The following DNM2 variants were observed in gnomAD, a reference collection of about 807,000 sequenced individuals.
DNM2 encodes dynamin-2.
Under a neutral mutation model 99.0 loss-of-function variants are expected in DNM2, and 15 were observed. The ratio of observed to expected loss-of-function variants is 0.15; its 90% CI spans 0.10 to 0.23. The LOEUF is 0.23. DNM2 is among the 10% of genes least tolerant of loss of function. DNM2 has a pLI of 1.00. For missense variants in DNM2, 742 were observed against 1,189.4 expected, an observed-to-expected ratio of 0.62 and a Z score of 5.53; for synonymous variants, 525 against 481.2, an observed-to-expected ratio of 1.09 and a Z score of -1.19.
chr19:10,769,809 G>A (rs768928163), intron 2 of DNM2, among the ~76,000 whole-genome samples: 2 of 152,184 alleles, frequency 1.3e-5, no homozygotes, highest in Non-Finnish European at 2.9e-5. Flanking sequence ...GCCCTGATCT[G>A]GGTGGCCAGT....
At chr19:10,745,491 G>C (rs2069932556) in intron 1 of DNM2, among the ~76,000 whole-genome samples, 1 of 152,212 alleles carries the variant, frequency 6.6e-6, no homozygotes, top group African/African-American at 2.4e-5. Flanking sequence ...TTGGGAGGCT[G>C]AGGTGGGAGG....
At chr19:10,741,518 T>G (rs1454502464) in intron 1 of DNM2, among the ~76,000 whole-genome samples, 2 of 151,330 alleles carry the variant, frequency 1.3e-5, no homozygotes, top group Non-Finnish European at 1.5e-5. Context: ...CATGAGCCAC[T>G]GTGCTCAGCC....
intron 1 of DNM2, among the ~76,000 whole-genome samples, chr19:10,744,678 G>C (rs997688935): frequency 1.3e-5 from 2 of 152,102 alleles, no homozygotes; most frequent in African/African-American, 4.8e-5. Context: ...CACAGTGAGC[G>C]TTCACTTTGC....
In DNM2 at chr19:10,811,540, C is replaced by T. The variant is rs1389158848; in HGVS notation, c.1558-724C>T. 1 of 373,412 alleles carries T rather than the reference C, an allele frequency of 2.7e-6. No homozygotes were observed. The highest frequency in any genetic ancestry group is 7.3e-5 in the East Asian group (1 of 13,778). 23.1% of individuals were successfully genotyped at this position (373,412 alleles called of 1,614,324 possible). ...TGGGTCCCAGGCCGCCCTGTGCGTG[C>T]CTCCGTGTGCTTCCTGCAGCTCCCA... On this transcript the variant is annotated intron_variant, in intron 14 of 20. Transcript: ENST00000389253. The surrounding 1 kb of genome is among the most constrained non-coding windows in gnomAD (Gnocchi z 5.4).
intron 1 of DNM2, among the ~76,000 whole-genome samples, chr19:10,731,947 G>A (rs1047198521): frequency 6.6e-6 from 1 of 151,734 alleles, no homozygotes; most frequent in African/African-American, 2.4e-5. Flanking sequence ...TTGATGCACA[G>A]GCTTGATTTT....
At chr19:10,737,748 G>A (rs1311826971) in intron 1 of DNM2, among the ~76,000 whole-genome samples, 1 of 152,188 alleles carries the variant, frequency 6.6e-6, no homozygotes, top group Admixed American at 6.6e-5. Flanking sequence ...GCCTCCCAAA[G>A]TGCTGTGATT....
At chr19:10,757,862 T>C (rs984928017) in intron 1 of DNM2, among the ~76,000 whole-genome samples, 1 of 150,040 alleles carries the variant, frequency 6.7e-6, no homozygotes, top group East Asian at 1.9e-4. Context: ...GGAGAATCGC[T>C]TGAACCCGAG....
chr19:10,750,169 C>G (rs955374795), intron 1 of DNM2, among the ~76,000 whole-genome samples: 1 of 152,070 alleles, frequency 6.6e-6, no homozygotes, highest in African/African-American at 2.4e-5. Flanking sequence ...GATAGGAGGC[C>G]AGGTACTGAA....
intron 2 of DNM2, among the ~76,000 whole-genome samples, chr19:10,767,781 C>T (rs1326495750): frequency 1.3e-5 from 2 of 152,182 alleles, no homozygotes; most frequent in Non-Finnish European, 2.9e-5. Flanking sequence ...TGGCATGCGC[C>T]TATAATCCCA....
At chr19:10,721,505 C>G (rs2068940018) in intron 1 of DNM2, among the ~76,000 whole-genome samples, 2 of 152,104 alleles carry the variant, frequency 1.3e-5, no homozygotes, top group South Asian at 4.1e-4. Flanking sequence ...TGTAAAAAGG[C>G]CTCTCTTTGG....
In DNM2 at chr19:10,820,242, C is replaced by CA. The variant is rs2072929334; in HGVS notation, c.1781+156dup. On this transcript the variant is annotated intron_variant, in intron 16 of 20. Transcript: ENST00000389253. This position sits in a 1 kb window ranked among gnomAD's most constrained non-coding sequence, Gnocchi z 4.3. ...GAAAGGGGAGTCACGTGAGAAATAGCAAATGCCAGGGATGCTTCCCGTGCT... is the reference window on the plus strand; with the variant it reads ...GAAAGGGGAGTCACGTGAGAAATAGCAAAATGCCAGGGATGCTTCCCGTGCT... Among the ~76,000 whole-genome samples, 1 of 152,210 alleles carries CA rather than the reference C, an allele frequency of 6.6e-6. No individual in the cohort carries two copies. Among genetic ancestry groups the CA allele is most frequent in the South Asian group, 2.1e-4 (1 of 4,838 alleles).
At position 10,805,873 on chromosome 19, in the gene DNM2, C is replaced by T. The variant is rs2287028; in HGVS notation, c.1494-43C>T. On this transcript the variant is annotated intron_variant, in intron 12 of 20. Coordinates refer to ENST00000389253, the MANE Select transcript of DNM2 (RefSeq NM_001005361.3). Reference sequence around the variant, plus strand: ...TTCGCCTCTTCCCCTTCTTCCCCCCCGGCATCTTGTCCACGTGAACCCTGT... The same window carrying T: ...TTCGCCTCTTCCCCTTCTTCCCCCCTGGCATCTTGTCCACGTGAACCCTGT... 476 of 1,613,686 alleles carry T rather than the reference C, an allele frequency of 2.9e-4. 1 individual carries two copies. Among genetic ancestry groups the T allele is most frequent in the Non-Finnish European group, 3.7e-4 (440 of 1,179,698 alleles).
intron 5 of DNM2, among the ~76,000 whole-genome samples, chr19:10,781,093 G>A (rs1349462040): frequency 6.6e-6 from 1 of 151,906 alleles, no homozygotes; most frequent in Non-Finnish European, 1.5e-5. Flanking sequence ...AGGAGGCTGA[G>A]TCCGGAGGAT....
rs368748557 is a variant in DNM2 at position 10,823,917 on chromosome 19, G to A, written c.1893+18G>A. ...AGGACCAGGTGAGGAGCCGTCCTGC[G>A]CAGCCAGGCCCAGAGCCCCCACCTG... On this transcript the variant is annotated intron_variant, in intron 17 of 20. Coordinates refer to ENST00000389253, the MANE Select transcript of DNM2 (RefSeq NM_001005361.3). The A allele has an allele frequency of 7.3e-5, 118 of 1,610,538 alleles. No individual in the cohort carries two copies. In the Middle Eastern group the frequency reaches 8.2e-4, roughly 11 times the overall value.
Position 10,775,730 on chromosome 19 carries a change from C to T in DNM2, c.413C>T (p.Pro138Leu). Residue 138 changes from proline (P) to leucine (L), a missense_variant, in exon 4 of 21, where the codon CCG (proline) becomes CTG (leucine). Physicochemically the swap from Pro to Leu is moderately conservative, Grantham distance 98 (BLOSUM62 -3). Coordinates refer to ENST00000389253, the MANE Select transcript of DNM2 (RefSeq NM_001005361.3). This position sits in a 1 kb window ranked among gnomAD's most constrained non-coding sequence, Gnocchi z 4.3. ...HVLNLTLIDLPGITKVPVGDQ... is the reference protein window; with the variant it reads ...HVLNLTLIDLLGITKVPVGDQ... ...TTGAACTTGACCCTCATCGACCTCC[C>T]GGGTATCACCAAGGTGCCTGTGGGC... 2 of 1,614,122 alleles carry T rather than the reference C, an allele frequency of 1.2e-6. No homozygotes were observed. The highest frequency in any genetic ancestry group is 1.7e-6 in the Non-Finnish European group (2 of 1,180,038).
At chr19:10,718,668 C>T in intron 1 of DNM2, 1 of 332,112 alleles carries the variant, frequency 3.0e-6, no homozygotes, top group Non-Finnish European at 5.2e-6. Flanking sequence ...CCCTGCGGTC[C>T]ATCTGGTCCC....
chr19:10,746,949 C>G (rs748631743), intron 1 of DNM2, among the ~76,000 whole-genome samples: 31 of 151,774 alleles, frequency 2.0e-4, no homozygotes, highest in Non-Finnish European at 5.9e-5. Context: ...GTTGGCCAAG[C>G]TGGTCTCAAA....
At chr19:10,802,974 C>T (rs2072207439) in intron 12 of DNM2, among the ~76,000 whole-genome samples, 1 of 152,170 alleles carries the variant, frequency 6.6e-6, no homozygotes, top group African/African-American at 2.4e-5. Context: ...GAGAGGCTCA[C>T]GCAGGCCTTC....
intron 16 of DNM2, among the ~76,000 whole-genome samples, chr19:10,822,700 T>C (rs2073014479): frequency 6.6e-6 from 1 of 151,716 alleles, no homozygotes; most frequent in Non-Finnish European, 1.5e-5. Context: ...GGTTTCACCA[T>C]GTTGGCCAGG....
Sources: gnomAD v4.1 joint callset for allele counts (sites outside exome capture counted in the v4.1 genomes callset) on GRCh38, gnomAD v4.1.1 for gene constraint, Gnocchi (gnomAD v3.1) non-coding constraint, MANE v1.5 for transcripts, NCBI Gene and HGNC (gene_info 2026-07-23, HGNC 2026-07-21) for gene names.